Variants in ATG14 observed in about 807,000 individuals in gnomAD.
ATG14 encodes the protein beclin 1-associated autophagy-related key regulator.
ATG14 carries 35 observed loss-of-function variants against 60.4 expected under a neutral mutation model. The observed-to-expected ratio is 0.58, with a 90% CI of 0.44 to 0.77. ATG14 has a LOEUF of 0.77. Ranked by LOEUF, ATG14 falls within the 30% of genes least tolerant of loss-of-function variation. ATG14 has a pLI of 0.00. For missense variants in ATG14, 647 were observed against 626.3 expected (o/e 1.03, Z -0.35); for synonymous variants, 234 against 228.8 (o/e 1.02, Z -0.21).
At chr14:55,394,979 C>G in intron 3 of ATG14, 1 of 432,882 alleles carries the variant, frequency 2.3e-6, no homozygotes, top group Non-Finnish European at 4.6e-6. Flanking sequence ...TTCAAAGGGG[C>G]TCTCCTCAGT....
At chr14:55,385,647 G>C (rs538756322) in intron 5 of ATG14, among the ~76,000 whole-genome samples, 1 of 152,182 alleles carries the variant, frequency 6.6e-6, no homozygotes, top group Non-Finnish European at 1.5e-5. Context: ...GAAGCTCTAG[G>C]ACAGTACACA....
intron 1 of ATG14, among the ~76,000 whole-genome samples, chr14:55,402,391 G>A (rs899712747): frequency 2.0e-5 from 3 of 151,980 alleles, no homozygotes; most frequent in African/African-American, 7.3e-5. Flanking sequence ...AAAAATATTC[G>A]ACCTTTTGAT....
chr14:55,382,693 G>C (rs1381337709), intron 5 of ATG14, among the ~76,000 whole-genome samples: 1 of 152,190 alleles, frequency 6.6e-6, no homozygotes, highest in African/African-American at 2.4e-5. Flanking sequence ...CTTGCTATCA[G>C]AGAGGAAGAT....
At chr14:55,385,747 C>T (rs1363256345) in intron 5 of ATG14, 112 bp downstream of exon 5, 2 of 945,856 alleles carry the variant, frequency 2.1e-6, no homozygotes, top group Non-Finnish European at 3.2e-6. Flanking sequence ...TGTTCCATCA[C>T]CAGGAAAACC....
chr14:55,369,992 T>G, intron 9 of ATG14, 67 bp from the exon 10 acceptor site: 4 of 1,471,408 alleles, frequency 2.7e-6, no homozygotes, highest in South Asian at 2.7e-5. Flanking sequence ...ATATGCCATC[T>G]TCCTGAAGGC....
At position 55,382,100 on chromosome 14, in the gene ATG14, A is replaced by G; in HGVS notation, c.739T>C (p.Ser247Pro). The change falls in exon 6 of 10, where the codon TCA becomes CCA. Residue 247 changes from serine to proline, a missense_variant. By Grantham distance (74) the Ser-to-Pro change is moderately conservative (BLOSUM62 -1). Transcript: ENST00000247178. The stretch of plus-strand genomic sequence containing the variant: ...TGATCGTCACAGACCCATCGTCCTG[A>G]GAGGTAAGTTGTCCTCCGGGCTTCA... ...LAEARRTTYLSGRWVCDDHNG... is the reference protein window; with the variant it reads ...LAEARRTTYLPGRWVCDDHNG... 1.2e-6 allele frequency: 2 copies of G among 1,614,052 alleles called. No homozygotes were observed. The highest frequency in any genetic ancestry group is 1.7e-6 in the Non-Finnish European group (2 of 1,180,014).
At chr14:55,386,244 T>C (rs1594779947) in intron 4 of ATG14, 148 bp from the exon 5 acceptor site, 1 of 651,972 alleles carries the variant, frequency 1.5e-6, no homozygotes, top group Non-Finnish European at 2.6e-6. Flanking sequence ...AGTGGAAAAT[T>C]TGAGAGTTTA....
At chr14:55,370,454 T>C (rs1360124794) in intron 9 of ATG14, among the ~76,000 whole-genome samples, 4 of 152,222 alleles carry the variant, frequency 2.6e-5, no homozygotes, top group Admixed American at 6.5e-5. Flanking sequence ...CACAACTGTT[T>C]AGAATATATT....
rs779634897 is a variant in ATG14 at position 55,375,490 on chromosome 14, ATTTTTTTTT to A, written c.1172+2320_1172+2328del. Among the ~76,000 whole-genome samples, 43 of 117,804 alleles carry A rather than the reference ATTTTTTTTT, an allele frequency of 3.7e-4. 1 individual carries two copies. Among genetic ancestry groups the A allele is most frequent in the African/African-American group, 1.5e-3 (43 of 29,306 alleles). The allele number at this position is 117,804 out of a possible 152,430, so 77.3% of individuals were successfully genotyped here. A position where few individuals can be genotyped will look rare whatever the true frequency, so the allele number is the denominator to read the frequency against. On this transcript the variant is annotated intron_variant, in intron 9 of 9. Transcript: ENST00000247178. ...GGCATGCATTACCACGCCGGGCTAA[ATTTTTTTTT>A]TTTTTTTTTTTTTTTTTTACTTTTT...
chr14:55,404,533 A>G (rs2140152288), intron 1 of ATG14, among the ~76,000 whole-genome samples: 1 of 152,318 alleles, frequency 6.6e-6, no homozygotes, highest in East Asian at 1.9e-4. Flanking sequence ...TCCATGAAGT[A>G]TGTCTTTTGG....
chr14:55,403,698 G>A lies in ATG14; in HGVS notation c.222-6264C>T, dbSNP rs529618771. ...CAACAACAACATCAACAACAACAAC[G>A]AACCAGCAAAATAGTATGTATTGTG... On this transcript the variant is annotated intron_variant, in intron 1 of 9. Coordinates refer to ENST00000247178, the MANE Select transcript of ATG14 (RefSeq NM_014924.5). Among the ~76,000 whole-genome samples, 25 of 152,192 alleles carry A rather than the reference G, an allele frequency of 1.6e-4. No individual in the cohort carries two copies. The South Asian group carries it at 4.4e-3, about 27-fold the overall frequency.
intron 1 of ATG14, among the ~76,000 whole-genome samples, chr14:55,401,632 A>T (rs956629737): frequency 1.3e-5 from 2 of 151,994 alleles, no homozygotes; most frequent in Admixed American, 6.6e-5. Flanking sequence ...ATTCTTCCAT[A>T]CTTTTATGAC....
chr14:55,397,105 C>T (rs1200974150), intron 2 of ATG14, among the ~76,000 whole-genome samples: 1 of 152,178 alleles, frequency 6.6e-6, no homozygotes, highest in Non-Finnish European at 1.5e-5. Flanking sequence ...CTGTCCTGGA[C>T]CCACACATCA....
chr14:55,369,537 A>T lies in ATG14; in HGVS notation c.*82T>A. The stretch of plus-strand genomic sequence containing the variant: ...CCTCTTTGTTCCAGACACTATCTTA[A>T]CTTAAACAGAAAATGTTTACTAGAG... On this transcript the variant is annotated 3_prime_UTR_variant, in exon 10 of 10. Coordinates refer to ENST00000247178, the MANE Select transcript of ATG14 (RefSeq NM_014924.5). 7.8e-7 allele frequency: 1 copy of T among 1,282,314 alleles called. No homozygotes were observed. The highest frequency in any genetic ancestry group is 1.1e-6 in the Non-Finnish European group (1 of 950,964). The allele number at this position is 1,282,314 out of a possible 1,614,324, so 79.4% of individuals were successfully genotyped here.
intron 9 of ATG14, among the ~76,000 whole-genome samples, chr14:55,372,863 T>C (rs2140119788): frequency 6.6e-6 from 1 of 152,304 alleles, no homozygotes; most frequent in East Asian, 1.9e-4. Flanking sequence ...TCCGGTTCTC[T>C]GCGTGGAGAA....
intron 3 of ATG14, among the ~76,000 whole-genome samples, chr14:55,394,483 A>T (rs1158405644): frequency 8.5e-5 from 13 of 152,178 alleles, no homozygotes; most frequent in Admixed American, 8.5e-4. Flanking sequence ...AACTTTCCTT[A>T]TAAAGTCATC....
chr14:55,390,855 A>G, intron 4 of ATG14, 56 bp downstream of exon 4: 3 of 1,248,698 alleles, frequency 2.4e-6, no homozygotes, highest in South Asian at 2.7e-5. Flanking sequence ...TATTAATCCC[A>G]TGAAATTCCA....
At chr14:55,371,445 C>G (rs1939659218) in intron 9 of ATG14, among the ~76,000 whole-genome samples, 1 of 152,140 alleles carries the variant, frequency 6.6e-6, no homozygotes, top group Non-Finnish European at 1.5e-5. Flanking sequence ...GTTTTTAGGG[C>G]TTTATTAAAT....
At position 55,376,622 on chromosome 14, in the gene ATG14, T is replaced by C. The variant is rs1380243771; in HGVS notation, c.1172+1197A>G. Among the ~76,000 whole-genome samples, 7 of 152,288 alleles carry C rather than the reference T, an allele frequency of 4.6e-5. 1 individual carries two copies. The highest frequency in any genetic ancestry group is 3.9e-4 in the Admixed American group (6 of 15,296). On this transcript the variant is annotated intron_variant, in intron 9 of 9. Coordinates refer to ENST00000247178, the MANE Select transcript of ATG14 (RefSeq NM_014924.5). ...AAGCAGATTATCACTGAAAGTTAACTGCTGCATGGGGGAAGCCAGGCACAC... is the reference window on the plus strand; with the variant it reads ...AAGCAGATTATCACTGAAAGTTAACCGCTGCATGGGGGAAGCCAGGCACAC...
Sources: gnomAD v4.1 joint callset for allele counts (sites outside exome capture counted in the v4.1 genomes callset) on GRCh38, gnomAD v4.1.1 for gene constraint, MANE v1.5 for transcripts, NCBI Gene and HGNC (gene_info 2026-07-23, HGNC 2026-07-21) for gene names.